R3HDM1: variants seen among roughly 807,000 people sequenced by gnomAD.
The protein encoded by R3HDM1 is R3H domain containing 1, also known as R3H domain-containing protein 1.
Under a neutral mutation model 141.1 loss-of-function variants are expected in R3HDM1, and 46 were observed. The ratio of observed to expected loss-of-function variants is 0.33; its 90% CI spans 0.26 to 0.42. The LOEUF (loss-of-function observed/expected upper bound fraction) is 0.42. Ranked by LOEUF, R3HDM1 falls within the 10% of genes least tolerant of loss-of-function variation. The pLI, the probability that R3HDM1 is intolerant of heterozygous loss-of-function variation, is 1.00. For synonymous variants in R3HDM1, 435 were observed against 472.9 expected, an observed-to-expected ratio of 0.92 and a Z score of 1.04; for missense variants, 1,184 against 1,368.3, an observed-to-expected ratio of 0.87 and a Z score of 2.12.
At chr2:135,543,711 A>G (rs1464515662) in intron 1 of R3HDM1, among the ~76,000 whole-genome samples, 1 of 152,246 alleles carries the variant, frequency 6.6e-6, no homozygotes, top group Non-Finnish European at 1.5e-5. Context: ...ACATTTTTGC[A>G]AATTTCCTTA....
At chr2:135,659,269 G>A (rs1448344288) in intron 18 of R3HDM1, among the ~76,000 whole-genome samples, 1 of 151,782 alleles carries the variant, frequency 6.6e-6, no homozygotes, top group African/African-American at 2.4e-5. Flanking sequence ...GCTAATTTTT[G>A]TATTTTTTGT....
chr2:135,644,879 C>G (rs1200624197), intron 15 of R3HDM1, among the ~76,000 whole-genome samples: 1 of 152,040 alleles, frequency 6.6e-6, no homozygotes, highest in Admixed American at 6.5e-5. Context: ...GTCAGGAGTT[C>G]AAGACCAGCC....
chr2:135,672,653 A>G (rs1574912685), intron 19 of R3HDM1, among the ~76,000 whole-genome samples: 1 of 152,182 alleles, frequency 6.6e-6, no homozygotes, highest in Admixed American at 6.5e-5. Context: ...TTTGTAACAA[A>G]TGACTAGATG....
At chr2:135,666,739 G>A (rs1169709815) in intron 19 of R3HDM1, among the ~76,000 whole-genome samples, 1 of 152,170 alleles carries the variant, frequency 6.6e-6, no homozygotes, top group Non-Finnish European at 1.5e-5. Flanking sequence ...GGATAATCAA[G>A]TGTGATGGCA....
At chr2:135,536,448 A>G (rs780716174) in intron 1 of R3HDM1, 8 of 719,490 alleles carry the variant, frequency 1.1e-5, no homozygotes, top group South Asian at 1.3e-4. Flanking sequence ...CACCCAGCCT[A>G]TTTCATAAAT....
chr2:135,610,164 C>A (rs1426589708), intron 3 of R3HDM1, among the ~76,000 whole-genome samples: 2 of 152,306 alleles, frequency 1.3e-5, no homozygotes, highest in African/African-American at 2.4e-5. Context: ...ACTCAACTTT[C>A]CCATTCTTTT....
intron 19 of R3HDM1, chr2:135,670,399 G>A (rs1377537910): frequency 1.0e-6 from 1 of 975,526 alleles, no homozygotes; most frequent in Non-Finnish European, 1.2e-6. Flanking sequence ...GTAAAGATCA[G>A]TTGAGTTGTT....
intron 1 of R3HDM1, among the ~76,000 whole-genome samples, chr2:135,542,247 C>T (rs1697758215): frequency 6.6e-6 from 1 of 152,142 alleles, no homozygotes; most frequent in Admixed American, 6.5e-5. Flanking sequence ...GTGTGTGTTC[C>T]TGTATAGTAC....
At chr2:135,589,961 A>T (rs2105058631) in intron 1 of R3HDM1, among the ~76,000 whole-genome samples, 1 of 152,210 alleles carries the variant, frequency 6.6e-6, no homozygotes, top group South Asian at 2.1e-4. Flanking sequence ...GCTTCTAGAG[A>T]ACCAAGCAGT....
intron 1 of R3HDM1, among the ~76,000 whole-genome samples, chr2:135,560,785 G>A (rs1701658664): frequency 6.6e-6 from 1 of 152,190 alleles, no homozygotes; most frequent in Non-Finnish European, 1.5e-5. Context: ...GCACTTAGGT[G>A]GTACCAGGTG....
At chr2:135,594,318 A>G (rs1019063465) in intron 1 of R3HDM1, among the ~76,000 whole-genome samples, 1 of 152,206 alleles carries the variant, frequency 6.6e-6, no homozygotes, top group Non-Finnish European at 1.5e-5. Flanking sequence ...CTACTATACC[A>G]TACAGTGATA....
chr2:135,572,959 T>G (rs745475281), intron 1 of R3HDM1, among the ~76,000 whole-genome samples: 20 of 152,186 alleles, frequency 1.3e-4, no homozygotes, highest in Non-Finnish European at 2.9e-5. Context: ...TAGGTAAATC[T>G]ATAGAGACAG....
At chr2:135,550,338 C>T in intron 1 of R3HDM1, 1 of 621,072 alleles carries the variant, frequency 1.6e-6, no homozygotes, top group Non-Finnish European at 2.0e-6. Context: ...TTTCATACAG[C>T]TACTCTACCA....
At chr2:135,590,059 A>C (rs1269076714) in intron 1 of R3HDM1, among the ~76,000 whole-genome samples, 1 of 152,108 alleles carries the variant, frequency 6.6e-6, no homozygotes, top group Non-Finnish European at 1.5e-5. Flanking sequence ...CCTTGGGTTT[A>C]ATAAGATTTT....
intron 23 of R3HDM1, among the ~76,000 whole-genome samples, chr2:135,712,581 C>CT (rs1266971149): frequency 5.9e-5 from 9 of 151,864 alleles, no homozygotes; most frequent in Admixed American, 3.9e-4. Context: ...CAGGTTTTAA[C>CT]TTTTTTTAAA....
At chr2:135,648,896 G>T (rs887362784) in intron 16 of R3HDM1, among the ~76,000 whole-genome samples, 2 of 149,308 alleles carry the variant, frequency 1.3e-5, no homozygotes, top group Non-Finnish European at 2.9e-5. Flanking sequence ...TAGTTTCTCA[G>T]CTCCTAACAT....
intron 26 of R3HDM1, among the ~76,000 whole-genome samples, 153 bp from the exon 27 acceptor site, chr2:135,723,778 CAAAAAA>C (rs541423067): frequency 1.3e-4 from 7 of 55,320 alleles, no homozygotes; most frequent in East Asian, 9.5e-4. Flanking sequence ...CTCCATCTCC[CAAAAAA>C]AAAAAAAAAA....
intron 1 of R3HDM1, among the ~76,000 whole-genome samples, chr2:135,574,193 A>T (rs1197148402): frequency 6.6e-6 from 1 of 152,198 alleles, no homozygotes; most frequent in Non-Finnish European, 1.5e-5. Context: ...ACTAAAAATA[A>T]TTTTTAAAAA....
chr2:135,660,619 G>A (rs2105305488), intron 18 of R3HDM1, among the ~76,000 whole-genome samples: 1 of 152,216 alleles, frequency 6.6e-6, no homozygotes, highest in South Asian at 2.1e-4. Context: ...GCTGAAGTGG[G>A]CGGATCAGTT....
Sources: allele counts gnomAD v4.1 joint callset (sites outside exome capture counted in the v4.1 genomes callset), GRCh38; gene constraint gnomAD v4.1.1; transcripts MANE v1.5; gene names NCBI Gene and HGNC (gene_info 2026-07-23, HGNC 2026-07-21).